CDC73: variants seen among roughly 807,000 people sequenced by gnomAD.
CDC73 encodes the protein cell division cycle 73.
CDC73 carries 21 observed loss-of-function variants against 83.7 expected under a neutral mutation model. The ratio of observed to expected loss-of-function variants is 0.25; its 90% CI spans 0.18 to 0.36. The LOEUF (loss-of-function observed/expected upper bound fraction) is 0.36, where lower values mean the gene tolerates loss of function less well. CDC73 is among the 10% of genes least tolerant of loss of function. CDC73 has a pLI of 1.00. For missense variants in CDC73, 342 were observed against 653.3 expected (o/e 0.52, Z 5.19); for synonymous variants, 224 against 212.9 (o/e 1.05, Z -0.45).
At chr1:193,235,506 C>G (rs1677741679) in intron 14 of CDC73, among the ~76,000 whole-genome samples, 2 of 152,132 alleles carry the variant, frequency 1.3e-5, no homozygotes, top group Non-Finnish European at 2.9e-5. Flanking sequence ...GTTCCCACCG[C>G]TTTAGTTATT....
chr1:193,206,380 A>G (rs573478763), intron 11 of CDC73, among the ~76,000 whole-genome samples: 12 of 152,308 alleles, frequency 7.9e-5, no homozygotes, highest in East Asian at 1.9e-4. Flanking sequence ...ACACCCATAC[A>G]TCCACATTTC....
chr1:193,212,381 T>C lies in CDC73; in HGVS notation c.1067-9T>C, dbSNP rs1253333879. The C allele has an allele frequency of 1.3e-6, 2 of 1,533,390 alleles. No homozygotes were observed. The highest frequency in any genetic ancestry group is 1.8e-6 in the Non-Finnish European group (2 of 1,118,636). 95.0% of individuals were successfully genotyped at this position (1,533,390 alleles called of 1,614,324 possible). ...ATATATTTTCTACCTGTAAATTTTG[T>C]CTTTATAGGATCTCGAACACCCATT... On this transcript the variant is annotated splice_polypyrimidine_tract_variant and intron_variant, in intron 12 of 16. Coordinates refer to ENST00000367435, the MANE Select transcript of CDC73 (RefSeq NM_024529.5).
chr1:193,155,420 A>G (rs1214711848), intron 10 of CDC73, among the ~76,000 whole-genome samples: 1 of 152,186 alleles, frequency 6.6e-6, no homozygotes. Context: ...GATTTGATAG[A>G]TAACTTTTCC....
chr1:193,222,053 TA>T (rs1306206793), intron 13 of CDC73, among the ~76,000 whole-genome samples: 1 of 152,106 alleles, frequency 6.6e-6, no homozygotes, highest in Admixed American at 6.6e-5. Context: ...AAAAAAATAA[TA>T]AAACCCTTTA....
chr1:193,215,368 T>G (rs1192123676), intron 13 of CDC73, among the ~76,000 whole-genome samples: 1 of 152,190 alleles, frequency 6.6e-6, no homozygotes, highest in East Asian at 1.9e-4. Context: ...TACTGATATA[T>G]AAAAGAAACT....
rs1439174697 is a variant in CDC73, at chr1:193,254,065, C to CT, written c.*3356dup. Among the ~76,000 whole-genome samples the CT allele has an allele frequency of 6.6e-6, 1 of 151,784 alleles. No individual in the cohort carries two copies. The highest frequency in any genetic ancestry group is 6.6e-5 in the Admixed American group (1 of 15,242). Reference sequence around the variant, plus strand: ...TAATGGCTTAGAAAGTAGCTGTAAACTTTGTGTTTTGAAATTGCTTGTTTA... The same window carrying CT: ...TAATGGCTTAGAAAGTAGCTGTAAACTTTTGTGTTTTGAAATTGCTTGTTTA... On this transcript the variant is annotated 3_prime_UTR_variant, in exon 17 of 17. Transcript: ENST00000367435.
At chr1:193,237,541 G>A (rs1677784276) in intron 15 of CDC73, among the ~76,000 whole-genome samples, 1 of 152,288 alleles carries the variant, frequency 6.6e-6, no homozygotes, top group South Asian at 2.1e-4. Flanking sequence ...AGATAAGTTA[G>A]TTTACTTAGG....
At chr1:193,143,152 C>A (rs765204196) in intron 7 of CDC73, among the ~76,000 whole-genome samples, 14 of 152,078 alleles carry the variant, frequency 9.2e-5, no homozygotes, top group Non-Finnish European at 1.8e-4. Flanking sequence ...AGAATCATTT[C>A]TTTTTCTTTT....
At chr1:193,220,474 C>T (rs1330359122) in intron 13 of CDC73, among the ~76,000 whole-genome samples, 2 of 152,016 alleles carry the variant, frequency 1.3e-5, no homozygotes, top group Non-Finnish European at 2.9e-5. Flanking sequence ...AGAAAAGCCC[C>T]TTCACATCTA....
At chr1:193,163,750 A>G (rs1676383730) in intron 10 of CDC73, among the ~76,000 whole-genome samples, 1 of 152,006 alleles carries the variant, frequency 6.6e-6, no homozygotes, top group African/African-American at 2.4e-5. Context: ...AAAGCTTTAA[A>G]CATCAGTGTA....
chr1:193,150,933 T>C (rs1676094006), intron 9 of CDC73, among the ~76,000 whole-genome samples: 1 of 152,210 alleles, frequency 6.6e-6, no homozygotes, highest in South Asian at 2.1e-4. Context: ...CTGCTTTTGT[T>C]TTTATATAAT....
intron 13 of CDC73, among the ~76,000 whole-genome samples, chr1:193,222,026 A>G (rs1292247894): frequency 6.6e-6 from 1 of 152,172 alleles, no homozygotes; most frequent in Non-Finnish European, 1.5e-5. Context: ...TATCCCTTCA[A>G]TAAGTAAATG....
At chr1:193,145,057 G>A (rs1479277945) in intron 7 of CDC73, among the ~76,000 whole-genome samples, 1 of 152,078 alleles carries the variant, frequency 6.6e-6, no homozygotes, top group Non-Finnish European at 1.5e-5. Flanking sequence ...ATATTAACAA[G>A]TATAATTTGT....
chr1:193,137,443 C>G (rs1675821188), intron 5 of CDC73, among the ~76,000 whole-genome samples: 1 of 152,122 alleles, frequency 6.6e-6, no homozygotes, highest in South Asian at 2.1e-4. Context: ...TAAACTGGAT[C>G]AGGGTTACCA....
At chr1:193,176,732 A>G (rs914162266) in intron 10 of CDC73, among the ~76,000 whole-genome samples, 2 of 152,190 alleles carry the variant, frequency 1.3e-5, no homozygotes, top group Non-Finnish European at 2.9e-5. Context: ...AAAAATAGAA[A>G]ATTTATCCAA....
At chr1:193,147,507 A>G (rs1188559030) in intron 7 of CDC73, among the ~76,000 whole-genome samples, 1 of 151,838 alleles carries the variant, frequency 6.6e-6, no homozygotes, top group African/African-American at 2.4e-5. Context: ...AGCTGGGACT[A>G]CAGGCACCTG....
intron 16 of CDC73, 82 bp downstream of exon 16, chr1:193,249,953 G>A: frequency 7.6e-7 from 1 of 1,319,176 alleles, no homozygotes; most frequent in Non-Finnish European, 1.1e-6. Flanking sequence ...CCATAGAGTT[G>A]TCAGTCTTAT....
At chr1:193,227,083 G>T (rs1245656644) in intron 13 of CDC73, among the ~76,000 whole-genome samples, 2 of 151,744 alleles carry the variant, frequency 1.3e-5, no homozygotes, top group Non-Finnish European at 2.9e-5. Context: ...ATATATTCTA[G>T]GTTTTCTAGT....
intron 1 of CDC73, among the ~76,000 whole-genome samples, chr1:193,124,484 G>A (rs1012694930): frequency 2.0e-5 from 3 of 152,136 alleles, no homozygotes; most frequent in Non-Finnish European, 4.4e-5. Context: ...ATATAGAAGG[G>A]GAAAGTGTAG....
Sources: allele counts gnomAD v4.1 joint callset (sites outside exome capture counted in the v4.1 genomes callset), GRCh38; gene constraint gnomAD v4.1.1; transcripts MANE v1.5; gene names NCBI Gene and HGNC (gene_info 2026-07-23, HGNC 2026-07-21).